Variants in CCDC178 observed in about 807,000 individuals in gnomAD.
CCDC178 encodes the protein coiled-coil domain containing 178.
A neutral mutation model predicts 117.4 loss-of-function variants in CCDC178; 126 were observed. The observed-to-expected ratio is 1.07, with a 90% CI of 0.93 to 1.24. The LOEUF is 1.24. Among genes scored for constraint, CCDC178 ranks in the 50% most tolerant of loss-of-function variants. The pLI, the probability that CCDC178 is intolerant of heterozygous loss-of-function variation, is 0.00. For missense variants in CCDC178, 1,030 were observed against 986.9 expected (o/e 1.04, Z -0.59); for synonymous variants, 283 against 313.4 (o/e 0.90, Z 1.02).
chr18:33,167,985 A>G (rs958086731), intron 20 of CCDC178, among the ~76,000 whole-genome samples: 2 of 152,166 alleles, frequency 1.3e-5, no homozygotes, highest in African/African-American at 4.8e-5. Flanking sequence ...TTTGGATATT[A>G]GACCTTTGTT....
chr18:33,328,916 G>A (rs1355028896), intron 10 of CCDC178, among the ~76,000 whole-genome samples: 1 of 152,038 alleles, frequency 6.6e-6, no homozygotes, highest in African/African-American at 2.4e-5. Flanking sequence ...ACAATATTGA[G>A]TCTTCCAATT....
At chr18:32,946,122 G>A (rs992161551) in intron 22 of CCDC178, among the ~76,000 whole-genome samples, 3 of 152,136 alleles carry the variant, frequency 2.0e-5, no homozygotes, top group African/African-American at 7.2e-5. Context: ...TCACACCACT[G>A]AAATTCCCAT....
intron 5 of CCDC178, among the ~76,000 whole-genome samples, chr18:33,373,315 T>C (rs2063324662): frequency 6.6e-6 from 1 of 152,178 alleles, no homozygotes; most frequent in South Asian, 2.1e-4. Context: ...ATGCCGCTGT[T>C]TGGTGTTCAC....
rs1261604096 is a variant in CCDC178, at chr18:33,322,031, C to G, written c.1022+1460G>C. Among the ~76,000 whole-genome samples, 3 of 151,854 alleles carry G rather than the reference C, an allele frequency of 2.0e-5. No individual in the cohort carries two copies. In the East Asian group the frequency reaches 5.8e-4, roughly 29 times the overall value. On this transcript the variant is annotated intron_variant, in intron 11 of 22. Transcript: ENST00000383096. Reference sequence around the variant, plus strand: ...AAATGTTCCAAGAGTCAAAAAAGGTCAATTCCTAATGATAAGGAGGTTAAT... The same window carrying G: ...AAATGTTCCAAGAGTCAAAAAAGGTGAATTCCTAATGATAAGGAGGTTAAT...
chr18:33,236,289 A>G (rs2059425750), intron 15 of CCDC178, among the ~76,000 whole-genome samples: 1 of 152,236 alleles, frequency 6.6e-6, no homozygotes, highest in Non-Finnish European at 1.5e-5. Context: ...GAATCAGTCC[A>G]TGAAAGATAA....
chr18:33,145,471 T>C (rs910654440), intron 20 of CCDC178, among the ~76,000 whole-genome samples: 1 of 152,210 alleles, frequency 6.6e-6, no homozygotes, highest in Non-Finnish European at 1.5e-5. Context: ...ATTTATTGGG[T>C]ATAGTACACT....
chr18:33,374,079 A>G (rs751293443), intron 5 of CCDC178, among the ~76,000 whole-genome samples: 1 of 152,228 alleles, frequency 6.6e-6, no homozygotes, highest in Non-Finnish European at 1.5e-5. Context: ...ACTGCAATAA[A>G]GAGATCTGGG....
At chr18:32,982,868 G>A (rs562819799) in intron 21 of CCDC178, among the ~76,000 whole-genome samples, 9 of 152,082 alleles carry the variant, frequency 5.9e-5, no homozygotes, top group Non-Finnish European at 1.2e-4. Flanking sequence ...AAAATATTTT[G>A]TATGATACCA....
chr18:33,256,967 C>T (rs2059687694), intron 14 of CCDC178, among the ~76,000 whole-genome samples: 1 of 151,026 alleles, frequency 6.6e-6, no homozygotes, highest in Non-Finnish European at 1.5e-5. Flanking sequence ...ATTGTACAAT[C>T]TGAGTTCTAT....
At chr18:33,225,311 T>C (rs2059289445) in intron 16 of CCDC178, among the ~76,000 whole-genome samples, 1 of 151,744 alleles carries the variant, frequency 6.6e-6, no homozygotes, top group South Asian at 2.1e-4. Flanking sequence ...TACAGGCCTG[T>C]ACCATGCCCG....
At chr18:33,295,940 C>T (rs554152941) in intron 11 of CCDC178, among the ~76,000 whole-genome samples, 36 of 152,044 alleles carry the variant, frequency 2.4e-4, no homozygotes, top group South Asian at 1.0e-3. Context: ...GATATTTATC[C>T]GAGAGAAATG....
chr18:33,345,240 A>C (rs2062875673), intron 9 of CCDC178, among the ~76,000 whole-genome samples: 1 of 152,186 alleles, frequency 6.6e-6, no homozygotes. Context: ...TTATCCTATG[A>C]GAGAGTAAAA....
At chr18:33,261,808 A>G (rs1201884029) in intron 14 of CCDC178, among the ~76,000 whole-genome samples, 2 of 152,156 alleles carry the variant, frequency 1.3e-5, no homozygotes, top group Non-Finnish European at 2.9e-5. Flanking sequence ...TTATTTGGTT[A>G]GAACTTGACA....
At chr18:33,114,364 G>A (rs1038406388) in intron 20 of CCDC178, among the ~76,000 whole-genome samples, 3 of 151,998 alleles carry the variant, frequency 2.0e-5, no homozygotes, top group Admixed American at 6.6e-5. Context: ...ACAGAAGTCC[G>A]AGAGAATGGG....
intron 4 of CCDC178, among the ~76,000 whole-genome samples, chr18:33,394,943 G>GCATA: frequency 1.6e-5 from 1 of 61,506 alleles, no homozygotes; most frequent in African/African-American, 6.0e-5. Flanking sequence ...ATATGTATGT[G>GCATA]TATATATATA....
At chr18:33,093,675 ATT>A (rs1241943460) in intron 20 of CCDC178, among the ~76,000 whole-genome samples, 1 of 146,220 alleles carries the variant, frequency 6.8e-6, no homozygotes, top group Admixed American at 6.8e-5. Flanking sequence ...TTAGTTTCTG[ATT>A]TTTTTTTTTT....
At chr18:33,304,723 A>G (rs1444551880) in intron 11 of CCDC178, among the ~76,000 whole-genome samples, 1 of 152,150 alleles carries the variant, frequency 6.6e-6, no homozygotes, top group Non-Finnish European at 1.5e-5. Flanking sequence ...GGTCAACTGG[A>G]CTGAACAACT....
chr18:33,170,087 G>A (rs773609634), intron 20 of CCDC178, among the ~76,000 whole-genome samples: 2 of 151,916 alleles, frequency 1.3e-5, no homozygotes, highest in Non-Finnish European at 2.9e-5. Context: ...TGTATGTGTT[G>A]TGTGTGTGAA....
chr18:33,089,845 T>C (rs1036165347), intron 21 of CCDC178, among the ~76,000 whole-genome samples: 1 of 152,184 alleles, frequency 6.6e-6, no homozygotes, highest in African/African-American at 2.4e-5. Flanking sequence ...CTAACAAAAA[T>C]GTCTATATTC....
Sources: gnomAD v4.1 joint callset for allele counts (sites outside exome capture counted in the v4.1 genomes callset) on GRCh38, gnomAD v4.1.1 for gene constraint, MANE v1.5 for transcripts, NCBI Gene and HGNC (gene_info 2026-07-23, HGNC 2026-07-21) for gene names.